RABGAP1: variants seen among roughly 807,000 people sequenced by gnomAD.
The protein encoded by RABGAP1 is rab GTPase-activating protein 1.
Under a neutral mutation model 137.6 loss-of-function variants are expected in RABGAP1, and 23 were observed. That is an observed-to-expected ratio of 0.17 (90% CI 0.12 to 0.24). The LOEUF (loss-of-function observed/expected upper bound fraction) is 0.24. Ranked by LOEUF, RABGAP1 falls within the 10% of genes least tolerant of loss-of-function variation. The pLI is 1.00. For missense variants in RABGAP1, 906 were observed against 1,275.8 expected (o/e 0.71, Z 4.42); for synonymous variants, 451 against 450.7 (o/e 1.00, Z -0.01).
intron 19 of RABGAP1, among the ~76,000 whole-genome samples, chr9:123,087,890 T>G (rs961151190): frequency 6.6e-6 from 1 of 152,288 alleles, no homozygotes; most frequent in East Asian, 1.9e-4. Context: ...TTCTAGGTCT[T>G]ATTTCTTCAT....
At chr9:123,076,856 T>TG in intron 19 of RABGAP1, 94 bp downstream of exon 19, 1 of 730,610 alleles carries the variant, frequency 1.4e-6, no homozygotes. Context: ...ATGTATTATA[T>TG]TTATAACATT....
At chr9:122,995,570 T>TG (rs1836976433) in intron 6 of RABGAP1, among the ~76,000 whole-genome samples, 2 of 146,078 alleles carry the variant, frequency 1.4e-5, no homozygotes, top group Admixed American at 1.4e-4. Context: ...CAAATGATTT[T>TG]TTTTTTTTTT....
chr9:122,986,686 T>C (rs558653612), intron 4 of RABGAP1, among the ~76,000 whole-genome samples: 8 of 152,250 alleles, frequency 5.3e-5, no homozygotes, highest in Non-Finnish European at 8.8e-5. Flanking sequence ...TTGACATGAG[T>C]CAGCCTAAAA....
chr9:122,950,251 A>T (rs970190803), intron 1 of RABGAP1, among the ~76,000 whole-genome samples: 1 of 152,128 alleles, frequency 6.6e-6, no homozygotes, highest in African/African-American at 2.4e-5. Context: ...CATGAGGGAT[A>T]GTGAAGAAGG....
chr9:123,032,167 TG>T (rs113205562), intron 13 of RABGAP1, among the ~76,000 whole-genome samples: 2 of 152,204 alleles, frequency 1.3e-5, no homozygotes, highest in African/African-American at 4.8e-5. Flanking sequence ...CTACTTTAGT[TG>T]TAGGAGCAGA....
intron 2 of RABGAP1, among the ~76,000 whole-genome samples, chr9:122,976,963 T>C (rs531720501): frequency 2.0e-5 from 3 of 152,278 alleles, no homozygotes; most frequent in South Asian, 4.1e-4. Flanking sequence ...GTATGGGTGC[T>C]TGAAAGTTTA....
chr9:123,040,300 T>C (rs1234621122), intron 13 of RABGAP1, among the ~76,000 whole-genome samples: 2 of 152,194 alleles, frequency 1.3e-5, no homozygotes, highest in Non-Finnish European at 2.9e-5. Context: ...GTCACTTTAT[T>C]AGTTTAAGAA....
At chr9:122,938,214 C>G (rs1458823085), upstream of RABGAP1, 2 of 152,162 alleles carry the variant, frequency 1.3e-5, no homozygotes, top group Non-Finnish European at 2.9e-5. Context: ...ACTATTCTAT[C>G]AACCTCCCCT....
chr9:123,035,037 G>A (rs374874719), intron 13 of RABGAP1: 55 of 1,613,674 alleles, frequency 3.4e-5, no homozygotes, highest in African/African-American at 4.0e-5. Context: ...GGCTATACTC[G>A]ACCCTGGTCT....
chr9:123,020,295 G>A lies in RABGAP1; in HGVS notation c.1644-14G>A, dbSNP rs911071770. 1 of 1,510,888 alleles carries A rather than the reference G, an allele frequency of 6.6e-7. No homozygotes were observed. The highest frequency in any genetic ancestry group is 8.9e-7 in the Non-Finnish European group (1 of 1,118,480). 93.6% of individuals were successfully genotyped at this position (1,510,888 alleles called of 1,614,324 possible). On this transcript the variant is annotated splice_polypyrimidine_tract_variant and intron_variant, in intron 12 of 25. Coordinates refer to ENST00000373647, the MANE Select transcript of RABGAP1 (RefSeq NM_012197.4). The stretch of plus-strand genomic sequence containing the variant: ...CTTCCTTTTATGATTTATGGTTTAT[G>A]GCCTTATTTTTAGGCATCTCAACTT...
At chr9:123,006,942 G>A (rs1477257942) in intron 10 of RABGAP1, among the ~76,000 whole-genome samples, 1 of 151,866 alleles carries the variant, frequency 6.6e-6, no homozygotes, top group Non-Finnish European at 1.5e-5. Flanking sequence ...TTTATATCTG[G>A]TAGGTCTACC....
chr9:122,949,221 C>G (rs566109033), intron 1 of RABGAP1, among the ~76,000 whole-genome samples: 1 of 151,690 alleles, frequency 6.6e-6, no homozygotes, highest in Non-Finnish European at 1.5e-5. Flanking sequence ...ACTAAAAATA[C>G]AAAAATTACG....
intron 19 of RABGAP1, among the ~76,000 whole-genome samples, chr9:123,088,589 GGGGC>G (rs1479835743): frequency 6.6e-6 from 1 of 152,060 alleles, no homozygotes; most frequent in Non-Finnish European, 1.5e-5. Flanking sequence ...TTGGGAGGCT[GGGGC>G]GGGAGGATCA....
intron 13 of RABGAP1, among the ~76,000 whole-genome samples, chr9:123,021,646 A>G (rs964022644): frequency 2.0e-5 from 3 of 152,212 alleles, no homozygotes; most frequent in African/African-American, 7.2e-5. Context: ...CAAACATGAG[A>G]TAGGACCTTC....
intron 2 of RABGAP1, among the ~76,000 whole-genome samples, chr9:122,981,615 C>T (rs1024766264): frequency 1.3e-5 from 2 of 152,182 alleles, no homozygotes; most frequent in Non-Finnish European, 1.5e-5. Flanking sequence ...TAGGGCCCAA[C>T]AGTCTGTCTT....
At chr9:123,006,852 A>C (rs940605924) in intron 10 of RABGAP1, among the ~76,000 whole-genome samples, 7 of 151,670 alleles carry the variant, frequency 4.6e-5, no homozygotes, top group Admixed American at 3.9e-4. Flanking sequence ...CAGGTGATCC[A>C]CCCGCCTCAG....
Position 123,103,912 on chromosome 9 carries a change from G to A in RABGAP1, c.*699G>A, listed in dbSNP as rs998401998. 2 of 151,490 alleles carry A rather than the reference G, an allele frequency of 1.3e-5. No homozygotes were observed. Among genetic ancestry groups the A allele is most frequent in the Non-Finnish European group, 2.9e-5 (2 of 67,912 alleles). The allele number at this position is 151,490 out of a possible 1,614,324, so 9.4% of individuals were successfully genotyped here. On this transcript the variant is annotated 3_prime_UTR_variant, in exon 26 of 26. Transcript: ENST00000373647. ...TTCAAAAGGCTGGGGTGGGTGACTT[G>A]ACTGTGAGACTGGATTATAACATGG...
At chr9:122,997,998 G>T (rs768748403) in intron 9 of RABGAP1, among the ~76,000 whole-genome samples, 5 of 152,168 alleles carry the variant, frequency 3.3e-5, no homozygotes, top group Non-Finnish European at 7.3e-5. Flanking sequence ...AAATTGAGAA[G>T]TTTCAGTGTT....
At chr9:122,935,867 T>C (rs1165272918), upstream of RABGAP1, among the ~76,000 whole-genome samples, 1 of 152,178 alleles carries the variant, frequency 6.6e-6, no homozygotes, top group African/African-American at 2.4e-5. Flanking sequence ...GGTAACGAAC[T>C]CCCTTGGCTT....
Sources: gnomAD v4.1 joint callset for allele counts (sites outside exome capture counted in the v4.1 genomes callset) on GRCh38, gnomAD v4.1.1 for gene constraint, MANE v1.5 for transcripts, NCBI Gene and HGNC (gene_info 2026-07-23, HGNC 2026-07-21) for gene names.